The following AMBRA1 variants were observed in gnomAD, a reference collection of about 807,000 sequenced individuals.
AMBRA1 encodes autophagy and beclin 1 regulator 1, also known as activating molecule in BECN1-regulated autophagy protein 1.
AMBRA1 carries 47 observed loss-of-function variants against 125.4 expected under a neutral mutation model. The ratio of observed to expected loss-of-function variants is 0.37; its 90% CI spans 0.30 to 0.48. AMBRA1 has a LOEUF of 0.48. Ranked by LOEUF, AMBRA1 falls within the 20% of genes least tolerant of loss-of-function variation. The pLI is 0.99. For missense variants in AMBRA1, 1,331 were observed against 1,693.4 expected, an observed-to-expected ratio of 0.79 and a Z score of 3.76; for synonymous variants, 626 against 655.5, an observed-to-expected ratio of 0.95 and a Z score of 0.69.
At chr11:46,517,857 T>C (rs565969113) in intron 7 of AMBRA1, among the ~76,000 whole-genome samples, 1 of 140,960 alleles carries the variant, frequency 7.1e-6, no homozygotes, top group African/African-American at 2.6e-5. Context: ...AAATGCCAAA[T>C]ACTTAAAGAA....
chr11:46,587,785 T>C (rs2044455711), intron 1 of AMBRA1, among the ~76,000 whole-genome samples: 1 of 152,218 alleles, frequency 6.6e-6, no homozygotes, highest in African/African-American at 2.4e-5. Flanking sequence ...AGAACACCTA[T>C]GTCTACCTTT....
chr11:46,466,809 C>A (rs1282516692), intron 11 of AMBRA1, among the ~76,000 whole-genome samples: 1 of 152,154 alleles, frequency 6.6e-6, no homozygotes, highest in Non-Finnish European at 1.5e-5. Context: ...ATGACCCACC[C>A]TCCTTGATTT....
chr11:46,551,180 A>T (rs2135201225), intron 1 of AMBRA1, among the ~76,000 whole-genome samples: 1 of 152,214 alleles, frequency 6.6e-6, no homozygotes, highest in South Asian at 2.1e-4. Context: ...ATATCGAGTA[A>T]AGCTACCTTT....
At position 46,591,767 on chromosome 11, in the gene AMBRA1, T is replaced by C. The variant is rs550243593; in HGVS notation, c.-121+2061A>G. On this transcript the variant is annotated intron_variant, in intron 1 of 17. Transcript: ENST00000683756. The stretch of plus-strand genomic sequence containing the variant: ...CTACTCAGGAGGCTGAGGCAGAGAA[T>C]TGCTTGAACCTGGGAGGCGGAGAAG... 1.8e-3 allele frequency among the ~76,000 whole-genome samples: 273 copies of C among 151,114 alleles called. 2 individuals carry two copies. Among genetic ancestry groups the C allele is most frequent in the Middle Eastern group, 0.014 (4 of 294 alleles).
At chr11:46,523,524 G>A (rs1260718244) in intron 7 of AMBRA1, among the ~76,000 whole-genome samples, 2 of 152,196 alleles carry the variant, frequency 1.3e-5, no homozygotes, top group East Asian at 3.8e-4. Flanking sequence ...GAGTCTGGAA[G>A]CCATTCAATT....
At chr11:46,443,747 G>A (rs1948132394) in intron 11 of AMBRA1, 149 bp from the exon 12 acceptor site, 1 of 653,282 alleles carries the variant, frequency 1.5e-6, no homozygotes, top group Non-Finnish European at 2.6e-6. Flanking sequence ...CATCTGGCAA[G>A]TCTTTGTCTC....
chr11:46,452,825 G>A (rs956717671), intron 11 of AMBRA1, among the ~76,000 whole-genome samples: 4 of 152,192 alleles, frequency 2.6e-5, no homozygotes, highest in East Asian at 1.9e-4. Flanking sequence ...ATGCTTAGAA[G>A]TGTCCCAAGT....
chr11:46,503,642 A>T (rs1264252344), intron 9 of AMBRA1, among the ~76,000 whole-genome samples: 2 of 152,232 alleles, frequency 1.3e-5, no homozygotes, highest in Admixed American at 6.5e-5. Context: ...AATAAAACAA[A>T]GTGTGCCTGT....
chr11:46,514,128 CTCT>C (rs1951380115), intron 7 of AMBRA1, among the ~76,000 whole-genome samples: 3 of 152,198 alleles, frequency 2.0e-5, no homozygotes, highest in Admixed American at 2.0e-4. Context: ...CCCTGCCAGA[CTCT>C]TCTTTAAAGC....
intron 11 of AMBRA1, among the ~76,000 whole-genome samples, chr11:46,487,929 T>C (rs1324321461): frequency 2.0e-5 from 3 of 152,002 alleles, no homozygotes; most frequent in African/African-American, 7.3e-5. Context: ...CATTTCAGAT[T>C]CAAAGAGCTA....
At chr11:46,582,507 T>A (rs896098996) in intron 1 of AMBRA1, among the ~76,000 whole-genome samples, 7 of 152,196 alleles carry the variant, frequency 4.6e-5, no homozygotes, top group African/African-American at 1.7e-4. Flanking sequence ...GGCATGGACA[T>A]CTATTTTTCC....
intron 1 of AMBRA1, among the ~76,000 whole-genome samples, chr11:46,557,435 C>T (rs2043193341): frequency 6.6e-6 from 1 of 152,094 alleles, no homozygotes; most frequent in African/African-American, 2.4e-5. Flanking sequence ...TTCTTCTAGG[C>T]AAAATGAGAC....
intron 14 of AMBRA1, 136 bp from the exon 15 acceptor site, chr11:46,418,188 TTTTC>T: frequency 2.9e-6 from 1 of 348,442 alleles, no homozygotes; most frequent in Non-Finnish European, 4.4e-6. Flanking sequence ...GACTCTTTTT[TTTTC>T]TTTTTTTTCT....
At chr11:46,425,539 C>T (rs1315680944) in intron 14 of AMBRA1, among the ~76,000 whole-genome samples, 1 of 152,020 alleles carries the variant, frequency 6.6e-6, no homozygotes, top group Non-Finnish European at 1.5e-5. Flanking sequence ...TCACTGATAT[C>T]GGTTAGAACT....
intron 14 of AMBRA1, among the ~76,000 whole-genome samples, chr11:46,425,934 CAGG>C: frequency 6.6e-6 from 1 of 151,582 alleles, no homozygotes; most frequent in East Asian, 1.9e-4. Flanking sequence ...ATCACAAGGC[CAGG>C]AGATCAAGAC....
Position 46,542,818 on chromosome 11 carries a change from G to C in AMBRA1, c.1199C>G (p.Ser400Cys). Residue 400 changes from serine (S) to cysteine (C), a missense_variant, in exon 7 of 18, where the codon TCT becomes TGT. By Grantham distance (112) the Ser-to-Cys change is moderately radical. Coordinates refer to ENST00000683756, the MANE Select transcript of AMBRA1 (RefSeq NM_001387011.1). The surrounding 1 kb of genome is among the most constrained non-coding windows in gnomAD (Gnocchi z 5.9). ...TCGGTGATACCTAGAAGGGTGGCTA[G>C]ACAGAGGCCCTCCCAAAGAGCGGCG... ...PTRRSLGGPLSSHPSRYHREI... is the reference protein window; with the variant it reads ...PTRRSLGGPLCSHPSRYHREI... The C allele has an allele frequency of 6.2e-7, 1 of 1,614,116 alleles. No individual in the cohort carries two copies. The highest frequency in any genetic ancestry group is 8.5e-7 in the Non-Finnish European group (1 of 1,180,018).
intron 14 of AMBRA1, among the ~76,000 whole-genome samples, chr11:46,420,299 G>GA (rs1326877527): frequency 3.3e-5 from 5 of 152,148 alleles, no homozygotes; most frequent in Non-Finnish European, 7.3e-5. Context: ...TGAAGTTAAT[G>GA]AATTTCTCTC....
intron 8 of AMBRA1, among the ~76,000 whole-genome samples, chr11:46,509,023 A>G (rs1455578343): frequency 2.0e-5 from 3 of 152,230 alleles, no homozygotes; most frequent in Non-Finnish European, 4.4e-5. Flanking sequence ...CTGACAGTAA[A>G]ATATACTTGG....
chr11:46,482,243 A>G (rs544452150), intron 11 of AMBRA1, among the ~76,000 whole-genome samples: 12 of 152,352 alleles, frequency 7.9e-5, no homozygotes, highest in African/African-American at 2.9e-4. Flanking sequence ...GCAGTTCAGC[A>G]TGATGGGCAA....
Sources: gnomAD v4.1 joint callset for allele counts (sites outside exome capture counted in the v4.1 genomes callset) on GRCh38, gnomAD v4.1.1 for gene constraint, Gnocchi (gnomAD v3.1) non-coding constraint, MANE v1.5 for transcripts, NCBI Gene and HGNC (gene_info 2026-07-23, HGNC 2026-07-21) for gene names.